The following CNTNAP4 variants were observed in gnomAD, a reference collection of about 807,000 sequenced individuals.
The protein encoded by CNTNAP4 is contactin associated protein family member 4, also known as contactin-associated protein-like 4.
In CNTNAP4, 98 loss-of-function variants were observed where a neutral mutation model predicts 148.4. The ratio of observed to expected loss-of-function variants is 0.66; its 90% confidence interval spans 0.56 to 0.78. CNTNAP4 has a LOEUF of 0.78. Among genes scored for constraint, CNTNAP4 ranks in the 30% least tolerant of loss-of-function variants. CNTNAP4 has a pLI of 0.00. For missense variants in CNTNAP4, 1,935 were observed against 1,565.6 expected, an observed-to-expected ratio of 1.24 and a Z score of -3.98; for synonymous variants, 730 against 565.1, an observed-to-expected ratio of 1.29 and a Z score of -4.14.
At chr16:76,551,505 A>G (rs1465088159) in intron 21 of CNTNAP4, among the ~76,000 whole-genome samples, 3 of 152,020 alleles carry the variant, frequency 2.0e-5, no homozygotes, top group Non-Finnish European at 4.4e-5. Context: ...AAGCCACTAC[A>G]GAGACTGAAA....
intron 2 of CNTNAP4, among the ~76,000 whole-genome samples, chr16:76,339,361 AG>A (rs1011996107): frequency 1.3e-5 from 2 of 152,164 alleles, no homozygotes; most frequent in African/African-American, 4.8e-5. Context: ...GGTTATACAT[AG>A]TGTTTAGATT....
chr16:76,309,915 G>T, intron 1 of CNTNAP4: 4 of 700,696 alleles, frequency 5.7e-6, no homozygotes, highest in Non-Finnish European at 1.0e-5. Flanking sequence ...CTGTGAGTCC[G>T]GTTAAGTCTC....
chr16:76,530,775 T>TAATG (rs1404272740), intron 17 of CNTNAP4, among the ~76,000 whole-genome samples: 1 of 152,188 alleles, frequency 6.6e-6, no homozygotes, highest in African/African-American at 2.4e-5. Context: ...GGACTTTGCT[T>TAATG]AATGAAGAAC....
intron 2 of CNTNAP4, among the ~76,000 whole-genome samples, chr16:76,342,742 C>T (rs565240032): frequency 2.6e-5 from 4 of 152,174 alleles, no homozygotes; most frequent in African/African-American, 7.2e-5. Context: ...TTGCTAATTT[C>T]TTAAGTAAAA....
chr16:76,514,764 A>G lies in CNTNAP4; in HGVS notation c.2366-6376A>G, dbSNP rs58679018. ...AAACAATAATAGATGTGCTAAAAAG[A>G]GGAACCAGTGAATTATGAAACCAAT... On this transcript the variant is annotated intron_variant, in intron 15 of 23. Coordinates refer to ENST00000611870, the MANE Select transcript of CNTNAP4 (RefSeq NM_033401.5). Among the ~76,000 whole-genome samples the G allele has an allele frequency of 6.1e-3, 900 of 146,912 alleles. 12 individuals carry two copies. Among genetic ancestry groups the G allele is most frequent in the African/African-American group, 0.021 (871 of 41,260 alleles).
chr16:76,305,613 C>G (rs1567639354), intron 1 of CNTNAP4, among the ~76,000 whole-genome samples: 2 of 152,130 alleles, frequency 1.3e-5, no homozygotes, highest in Non-Finnish European at 1.5e-5. Flanking sequence ...GTTTACTTGG[C>G]TTAGCAGTGG....
intron 17 of CNTNAP4, among the ~76,000 whole-genome samples, chr16:76,529,730 T>C (rs1225550738): frequency 6.6e-6 from 1 of 152,170 alleles, no homozygotes; most frequent in Non-Finnish European, 1.5e-5. Context: ...TTGCATGGAA[T>C]CTATAAATAT....
chr16:76,346,235 T>C (rs2144400139), intron 2 of CNTNAP4, among the ~76,000 whole-genome samples: 1 of 152,260 alleles, frequency 6.6e-6, no homozygotes, highest in Admixed American at 6.5e-5. Context: ...AATGATTTAA[T>C]CAACCGAATG....
At chr16:76,407,134 C>G (rs1053876473) in intron 3 of CNTNAP4, among the ~76,000 whole-genome samples, 4 of 152,070 alleles carry the variant, frequency 2.6e-5, no homozygotes, top group African/African-American at 9.7e-5. Flanking sequence ...TCTGAAAATC[C>G]TAGGACACGT....
At chr16:76,360,263 C>A in intron 3 of CNTNAP4, among the ~76,000 whole-genome samples, 1 of 152,144 alleles carries the variant, frequency 6.6e-6, no homozygotes. Flanking sequence ...CTACCTGTCA[C>A]AAAATATTCA....
At chr16:76,419,145 A>G (rs1214838021) in intron 3 of CNTNAP4, among the ~76,000 whole-genome samples, 2 of 151,936 alleles carry the variant, frequency 1.3e-5, no homozygotes, top group Non-Finnish European at 2.9e-5. Context: ...CTCTGGTGGT[A>G]TAGCTTTTTT....
intron 3 of CNTNAP4, among the ~76,000 whole-genome samples, chr16:76,391,342 A>T (rs1597398160): frequency 1.3e-5 from 2 of 152,196 alleles, no homozygotes. Flanking sequence ...GGAAAAGTCA[A>T]CCCACCTCCA....
At chr16:76,393,151 C>T (rs955291954) in intron 3 of CNTNAP4, among the ~76,000 whole-genome samples, 1 of 152,196 alleles carries the variant, frequency 6.6e-6, no homozygotes, top group Non-Finnish European at 1.5e-5. Flanking sequence ...CATTAGGAAA[C>T]CAACAAACCC....
At chr16:76,467,282 A>C in intron 9 of CNTNAP4, 70 bp from the exon 10 acceptor site, 1 of 1,365,324 alleles carries the variant, frequency 7.3e-7, no homozygotes, top group Non-Finnish European at 1.0e-6. Flanking sequence ...TTATTTTTTA[A>C]ATGAAGTTAT....
chr16:76,403,089 GTTTTAT>G (rs2078474352), intron 3 of CNTNAP4, among the ~76,000 whole-genome samples: 1 of 148,544 alleles, frequency 6.7e-6, no homozygotes, highest in African/African-American at 2.6e-5. Context: ...TTGTTGTTGG[GTTTTAT>G]TTTTTTTTTT....
At chr16:76,521,007 AAG>A (rs2083430629) in intron 15 of CNTNAP4, 131 bp from the exon 16 acceptor site, 1 of 773,814 alleles carries the variant, frequency 1.3e-6, no homozygotes, top group African/African-American at 1.8e-5. Context: ...GACAGAAAAA[AAG>A]AGCAGATTTG....
rs2082860825 is a variant in CNTNAP4 at position 76,507,031 on chromosome 16, C to T, written c.2365+8337C>T. The stretch of plus-strand genomic sequence containing the variant: ...TAGTATTTTGTATACCTTTGCTTTT[C>T]CCATTCATTTTTCTAGCAATTTACA... On this transcript the variant is annotated intron_variant, in intron 15 of 23. Coordinates refer to ENST00000611870, the MANE Select transcript of CNTNAP4 (RefSeq NM_033401.5). Among the ~76,000 whole-genome samples the T allele has an allele frequency of 2.1e-5, 2 of 96,624 alleles. 1 individual carries two copies. The highest frequency in any genetic ancestry group is 5.2e-5 in the African/African-American group (2 of 38,764). The allele number at this position is 96,624 out of a possible 152,430, so 63.4% of individuals were successfully genotyped here.
intron 2 of CNTNAP4, among the ~76,000 whole-genome samples, chr16:76,332,961 G>T (rs1203007782): frequency 2.6e-5 from 4 of 152,190 alleles, no homozygotes; most frequent in African/African-American, 9.7e-5. Context: ...GACCAGGAAG[G>T]TCTGTGTCTG....
chr16:76,446,833 A>G (rs1020322973), intron 4 of CNTNAP4, among the ~76,000 whole-genome samples: 4 of 152,218 alleles, frequency 2.6e-5, no homozygotes, highest in South Asian at 2.1e-4. Context: ...CCTCGTTAAC[A>G]TACTGTATGG....
Sources: gnomAD v4.1 joint callset for allele counts (sites outside exome capture counted in the v4.1 genomes callset) on GRCh38, gnomAD v4.1.1 for gene constraint, MANE v1.5 for transcripts, NCBI Gene and HGNC (gene_info 2026-07-23, HGNC 2026-07-21) for gene names.